MYO10: variants seen among roughly 807,000 people sequenced by gnomAD.
MYO10 encodes the protein myosin X.
Under a neutral mutation model 257.3 loss-of-function variants are expected in MYO10, and 133 were observed. The ratio of observed to expected loss-of-function variants is 0.52; its 90% CI spans 0.45 to 0.60. The LOEUF (loss-of-function observed/expected upper bound fraction) is 0.60. Ranked by LOEUF, MYO10 falls within the 20% of genes least tolerant of loss-of-function variation. The pLI, the probability that MYO10 is intolerant of heterozygous loss-of-function variation, is 0.00. For missense variants in MYO10, 2,399 were observed against 2,635.7 expected, an observed-to-expected ratio of 0.91 and a Z score of 1.97; for synonymous variants, 1,104 against 1,028.6, an observed-to-expected ratio of 1.07 and a Z score of -1.40.
chr5:16,690,341 G>A (rs1386748031), intron 27 of MYO10, among the ~76,000 whole-genome samples: 6 of 152,158 alleles, frequency 3.9e-5, no homozygotes, highest in African/African-American at 1.4e-4. Context: ...TGGGGAGTGG[G>A]GTGGTGGTTC....
intron 2 of MYO10, among the ~76,000 whole-genome samples, chr5:16,852,573 A>C (rs1743840914): frequency 1.3e-5 from 2 of 151,606 alleles, no homozygotes; most frequent in African/African-American, 4.8e-5. Flanking sequence ...CTGACTACTC[A>C]AGGGTTCGTC....
chr5:16,666,613 G>A lies in MYO10; in HGVS notation c.*79C>T, dbSNP rs906484608. On this transcript the variant is annotated 3_prime_UTR_variant, in exon 41 of 41. Coordinates refer to ENST00000513610, the MANE Select transcript of MYO10 (RefSeq NM_012334.3). ...GGGCAGCTCTGTGTTTGTTTTGGCTGGGCATGGCACACTGGAGCCAGCCTA... is the reference window on the plus strand; with the variant it reads ...GGGCAGCTCTGTGTTTGTTTTGGCTAGGCATGGCACACTGGAGCCAGCCTA... 9.0e-6 allele frequency: 11 copies of A among 1,222,776 alleles called. No individual in the cohort carries two copies. The highest frequency in any genetic ancestry group is 1.3e-5 in the Non-Finnish European group (11 of 877,184). The allele number at this position is 1,222,776 out of a possible 1,614,324, so 75.7% of individuals were successfully genotyped here.
rs756723929 is a variant in MYO10 at position 16,668,441 on chromosome 5, G to A, written c.5911C>T (p.Leu1971Phe). 11 of 1,610,932 alleles carry A rather than the reference G, an allele frequency of 6.8e-6. No homozygotes were observed. Among genetic ancestry groups the A allele is most frequent in the Non-Finnish European group, 9.3e-6 (11 of 1,178,842 alleles). The change falls in exon 40 of 41, where the codon CTC becomes TTC. Residue 1971 changes from leucine to phenylalanine, a missense_variant. Transcript: ENST00000513610. ...GCGTCCGCGCTGACACCCAACCAGA[G>A]TTCCTGAGGGAAGCCACCTTCCTTG... ...ECKEGGFPQE[L>F]WLGVSADAVS... is the part of the protein sequence containing the mutation.
At chr5:16,926,898 C>A (rs559948755) in intron 1 of MYO10, among the ~76,000 whole-genome samples, 1 of 152,196 alleles carries the variant, frequency 6.6e-6, no homozygotes, top group South Asian at 2.1e-4. Context: ...CATGAAACAT[C>A]AACAGAACAC....
chr5:16,769,786 G>C (rs1740990398), intron 9 of MYO10, among the ~76,000 whole-genome samples: 1 of 152,156 alleles, frequency 6.6e-6, no homozygotes, highest in African/African-American at 2.4e-5. Flanking sequence ...TGCTACAAAA[G>C]AATTACCTCA....
At chr5:16,825,334 T>C (rs1742971053) in intron 2 of MYO10, among the ~76,000 whole-genome samples, 2 of 152,174 alleles carry the variant, frequency 1.3e-5, no homozygotes, top group Non-Finnish European at 2.9e-5. Flanking sequence ...TAATCACTTA[T>C]CCATTATCTT....
intron 2 of MYO10, among the ~76,000 whole-genome samples, chr5:16,863,922 ACTT>A (rs1215104054): frequency 6.6e-6 from 1 of 152,132 alleles, no homozygotes; most frequent in Non-Finnish European, 1.5e-5. Context: ...ACAAGGCAAA[ACTT>A]CATCACTACA....
At position 16,856,003 on chromosome 5, in the gene MYO10, C is replaced by T. The variant is rs561944462; in HGVS notation, c.120+21606G>A. Among the ~76,000 whole-genome samples the T allele has an allele frequency of 4.2e-4, 64 of 152,332 alleles. 1 individual carries two copies. In the South Asian group the frequency reaches 0.011, roughly 27 times the overall value. On this transcript the variant is annotated intron_variant, in intron 2 of 40. Coordinates refer to ENST00000513610, the MANE Select transcript of MYO10 (RefSeq NM_012334.3). ...CAGCCAGATGAACGACGGACTTTAACGTCTGAAACGAAGCAACTGCATTTG... is the reference window on the plus strand; with the variant it reads ...CAGCCAGATGAACGACGGACTTTAATGTCTGAAACGAAGCAACTGCATTTG...
intron 33 of MYO10, among the ~76,000 whole-genome samples, chr5:16,679,643 GCC>G (rs1736895812): frequency 6.6e-6 from 1 of 150,982 alleles, no homozygotes; most frequent in Admixed American, 6.6e-5. Flanking sequence ...TTCTGCCTCA[GCC>G]TCCTGTGTAG....
chr5:16,911,393 G>A (rs1240551150), intron 1 of MYO10, among the ~76,000 whole-genome samples: 2 of 152,122 alleles, frequency 1.3e-5, no homozygotes, highest in African/African-American at 2.4e-5. Context: ...AGCCAAGGAC[G>A]GCTTTGAATG....
intron 2 of MYO10, among the ~76,000 whole-genome samples, chr5:16,869,603 G>A (rs1242116719): frequency 6.6e-6 from 1 of 151,914 alleles, no homozygotes; most frequent in East Asian, 2.0e-4. Flanking sequence ...GGTAGTTCAC[G>A]CCTGTAATCC....
At chr5:16,682,502 G>C (rs559080760) in intron 30 of MYO10, among the ~76,000 whole-genome samples, 1 of 152,288 alleles carries the variant, frequency 6.6e-6, no homozygotes, top group Admixed American at 6.5e-5. Flanking sequence ...GGTTTCCAAA[G>C]TGATCTAACA....
At chr5:16,774,935 C>T (rs1741171705) in intron 9 of MYO10, among the ~76,000 whole-genome samples, 1 of 151,980 alleles carries the variant, frequency 6.6e-6, no homozygotes, top group Non-Finnish European at 1.5e-5. Flanking sequence ...CCATTCAAGC[C>T]CCACAGATAT....
intron 1 of MYO10, among the ~76,000 whole-genome samples, chr5:16,883,166 C>T (rs1181305575): frequency 1.3e-5 from 2 of 152,086 alleles, no homozygotes; most frequent in African/African-American, 4.8e-5. Context: ...CCACCCGCCT[C>T]GGCCTCCCAA....
At chr5:16,881,315 A>G (rs1744749713) in intron 1 of MYO10, among the ~76,000 whole-genome samples, 1 of 152,154 alleles carries the variant, frequency 6.6e-6, no homozygotes, top group South Asian at 2.1e-4. Flanking sequence ...ATATTTTTTC[A>G]CTCCAGCGTG....
chr5:16,822,463 T>TG (rs1374136508), intron 2 of MYO10, among the ~76,000 whole-genome samples: 1 of 151,992 alleles, frequency 6.6e-6, no homozygotes. Flanking sequence ...CAGGTGGTGA[T>TG]GGAGTCTATG....
At chr5:16,772,094 T>C (rs2126660123) in intron 9 of MYO10, among the ~76,000 whole-genome samples, 1 of 151,970 alleles carries the variant, frequency 6.6e-6, no homozygotes. Flanking sequence ...TATTCTACAA[T>C]TATACAAGTC....
chr5:16,786,885 T>C (rs917797435), intron 4 of MYO10, among the ~76,000 whole-genome samples: 1 of 152,008 alleles, frequency 6.6e-6, no homozygotes, highest in African/African-American at 2.4e-5. Flanking sequence ...AAAAAAATTT[T>C]TGGCCGGGGG....
At position 16,757,971 on chromosome 5, in the gene MYO10, A is replaced by C. The variant is rs1187808351; in HGVS notation, c.1848+147T>G. 4 of 666,154 alleles carry C rather than the reference A, an allele frequency of 6.0e-6. No homozygotes were observed. The Admixed American group carries it at 1.1e-4, about 19-fold the overall frequency. The allele number at this position is 666,154 out of a possible 1,614,324, so 41.3% of individuals were successfully genotyped here. On this transcript the variant is annotated intron_variant, in intron 18 of 40. Transcript: ENST00000513610. Reference sequence around the variant, plus strand: ...TGAGCCAAAACTCTATTTTATTTCTAAAGCACTATCTGGTTTAAAAGCATG... The same window carrying C: ...TGAGCCAAAACTCTATTTTATTTCTCAAGCACTATCTGGTTTAAAAGCATG...
Sources: allele counts gnomAD v4.1 joint callset (sites outside exome capture counted in the v4.1 genomes callset), GRCh38; gene constraint gnomAD v4.1.1; transcripts MANE v1.5; gene names NCBI Gene and HGNC (gene_info 2026-07-23, HGNC 2026-07-21).